Variants in DDI2 observed in about 807,000 individuals in gnomAD.
DDI2 encodes protein DDI1 homolog 2.
DDI2 carries 5 observed loss-of-function variants against 48.1 expected under a neutral mutation model. The ratio of observed to expected loss-of-function variants is 0.10; its 90% CI spans 0.05 to 0.22. The LOEUF (loss-of-function observed/expected upper bound fraction) is 0.22. Among genes scored for constraint, DDI2 ranks in the 10% least tolerant of loss-of-function variants. The pLI, the probability that DDI2 is intolerant of heterozygous loss-of-function variation, is 1.00. For missense variants in DDI2, 285 were observed against 506.2 expected (o/e 0.56, Z 4.19); for synonymous variants, 205 against 183.6 (o/e 1.12, Z -0.94).
chr1:15,638,898 C>G (rs955029782), intron 5 of DDI2, among the ~76,000 whole-genome samples: 1 of 152,106 alleles, frequency 6.6e-6, no homozygotes, highest in Non-Finnish European at 1.5e-5. Flanking sequence ...CATTTCTTAA[C>G]CAGTTTTGTA....
At chr1:15,627,714 C>G (rs924202557) in intron 2 of DDI2, among the ~76,000 whole-genome samples, 2 of 152,062 alleles carry the variant, frequency 1.3e-5, no homozygotes, top group African/African-American at 2.4e-5. Flanking sequence ...TTTTTCCATT[C>G]GCTGCCATAT....
Position 15,654,296 on chromosome 1 carries a change from G to GT in DDI2, c.1184-2317dup, listed in dbSNP as rs557348930. 2.6e-5 allele frequency among the ~76,000 whole-genome samples: 4 copies of GT among 152,260 alleles called. No individual in the cohort carries two copies. The South Asian group carries it at 8.3e-4, about 32-fold the overall frequency. On this transcript the variant is annotated intron_variant, in intron 8 of 9. Coordinates refer to ENST00000480945, the MANE Select transcript of DDI2 (RefSeq NM_032341.5). ...AGAATGGGTGTGGGTGGCAGATGGA[G>GT]TTTTCCAGGTTGACTTTGTTCAGAA...
chr1:15,619,240 C>T (rs1308024009), intron 1 of DDI2, among the ~76,000 whole-genome samples: 1 of 151,998 alleles, frequency 6.6e-6, no homozygotes, highest in Non-Finnish European at 1.5e-5. Flanking sequence ...CCTGCCTCAG[C>T]CTCCTGAGTA....
intron 7 of DDI2, among the ~76,000 whole-genome samples, chr1:15,650,565 TAGTG>T (rs1477168927): frequency 1.3e-5 from 2 of 152,086 alleles, no homozygotes; most frequent in Non-Finnish European, 2.9e-5. Context: ...CTGGGTAACT[TAGTG>T]AGACCCTGTC....
At chr1:15,637,196 G>A (rs1157779408) in intron 4 of DDI2, among the ~76,000 whole-genome samples, 1 of 152,204 alleles carries the variant, frequency 6.6e-6, no homozygotes, top group Non-Finnish European at 1.5e-5. Context: ...AAGAATTAGA[G>A]TTGTGTTGAT....
At chr1:15,621,427 C>T (rs1278068725) in intron 1 of DDI2, among the ~76,000 whole-genome samples, 3 of 152,054 alleles carry the variant, frequency 2.0e-5, no homozygotes, top group African/African-American at 7.2e-5. Flanking sequence ...GGGTCTTGCT[C>T]TGTCACCTAG....
intron 1 of DDI2, among the ~76,000 whole-genome samples, chr1:15,626,225 C>T (rs182688155): frequency 6.6e-6 from 1 of 152,130 alleles, no homozygotes; most frequent in African/African-American, 2.4e-5. Flanking sequence ...AAGTCTTTGT[C>T]CTCAAGTAGT....
At chr1:15,645,136 C>T (rs1348312684) in intron 6 of DDI2, among the ~76,000 whole-genome samples, 4 of 152,056 alleles carry the variant, frequency 2.6e-5, no homozygotes, top group African/African-American at 7.2e-5. Flanking sequence ...TCAAGTGATC[C>T]GCCCACGAGG....
chr1:15,631,176 A>G (rs988522202), intron 3 of DDI2, among the ~76,000 whole-genome samples: 5 of 150,446 alleles, frequency 3.3e-5, no homozygotes, highest in Admixed American at 6.6e-5. Flanking sequence ...TAGATCTTCA[A>G]TTAAAGAGAT....
At position 15,661,764 on chromosome 1, in the gene DDI2, C is replaced by T. The variant is rs1471638290; in HGVS notation, c.*1974C>T. On this transcript the variant is annotated 3_prime_UTR_variant, in exon 10 of 10. Transcript: ENST00000480945. ...TAGACCGTTCTCCATTCCCTTTAAA[C>T]AAAAGAAAGCTCTCTCTATATACAC... The T allele has an allele frequency of 6.5e-7, 1 of 1,548,870 alleles. No homozygotes were observed. The highest frequency in any genetic ancestry group is 8.7e-7 in the Non-Finnish European group (1 of 1,149,596).
Position 15,661,692 on chromosome 1 carries a change from G to C in DDI2, c.*1902G>C, listed in dbSNP as rs891934993. Reference sequence around the variant, plus strand: ...ATGCAGACCTTGCACTTCTTGTTTTGCTCGCAAAAAACATCGTAGTTCCTA... The same window carrying C: ...ATGCAGACCTTGCACTTCTTGTTTTCCTCGCAAAAAACATCGTAGTTCCTA... On this transcript the variant is annotated 3_prime_UTR_variant, in exon 10 of 10. Transcript: ENST00000480945. The C allele has an allele frequency of 6.2e-7, 1 of 1,610,248 alleles. No homozygotes were observed. The highest frequency in any genetic ancestry group is 1.3e-5 in the African/African-American group (1 of 74,728).
At position 15,665,793 on chromosome 1, in the gene DDI2, C is replaced by G. The variant is rs1640443965; in HGVS notation, c.*6003C>G. Reference sequence around the variant, plus strand: ...AAAAGCTGCAGGGCGTTGCAATGGCCTTTTCCTACCTGTTTGCCACCTGTG... The same window carrying G: ...AAAAGCTGCAGGGCGTTGCAATGGCGTTTTCCTACCTGTTTGCCACCTGTG... On this transcript the variant is annotated 3_prime_UTR_variant, in exon 10 of 10. Coordinates refer to ENST00000480945, the MANE Select transcript of DDI2 (RefSeq NM_032341.5). 2.6e-5 allele frequency: 4 copies of G among 152,180 alleles called. No homozygotes were observed. Among genetic ancestry groups the G allele is most frequent in the Admixed American group, 2.6e-4 (4 of 15,270 alleles). 9.4% of individuals were successfully genotyped at this position (152,180 alleles called of 1,614,324 possible).
intron 3 of DDI2, among the ~76,000 whole-genome samples, chr1:15,631,948 G>A (rs1179748920): frequency 6.6e-6 from 1 of 152,036 alleles, no homozygotes; most frequent in Non-Finnish European, 1.5e-5. Context: ...TGGGACTACA[G>A]GCGTGCACCA....
rs1009114499 is a variant in DDI2 at position 15,666,753 on chromosome 1, G to A, written c.*6963G>A. 2.6e-5 allele frequency: 4 copies of A among 152,180 alleles called. No homozygotes were observed. The highest frequency in any genetic ancestry group is 4.8e-5 in the African/African-American group (2 of 41,434). The allele number at this position is 152,180 out of a possible 1,614,324, so 9.4% of individuals were successfully genotyped here. A position where few individuals can be genotyped will look rare whatever the true frequency, so the allele number is the denominator to read the frequency against. ...GAAGCTTTCAGTCTAGAAGGGAGAC[G>A]TGAAACAAATTTTAGCTTCAAAAGC... On this transcript the variant is annotated 3_prime_UTR_variant, in exon 10 of 10. Coordinates refer to ENST00000480945, the MANE Select transcript of DDI2 (RefSeq NM_032341.5).
chr1:15,618,137 G>A (rs568247399), intron 1 of DDI2, among the ~76,000 whole-genome samples: 1 of 152,128 alleles, frequency 6.6e-6, no homozygotes, highest in Non-Finnish European at 1.5e-5. Context: ...TTCTAATCCC[G>A]AGTGTAGGAT....
intron 6 of DDI2, among the ~76,000 whole-genome samples, chr1:15,647,789 A>G (rs1640113932): frequency 1.3e-5 from 2 of 152,018 alleles, no homozygotes; most frequent in African/African-American, 4.8e-5. Flanking sequence ...TAGCGAAACC[A>G]CATCTCTACT....
At position 15,659,830 on chromosome 1, in the gene DDI2, C is replaced by G; in HGVS notation, c.*47-7C>G. On this transcript the variant is annotated splice_polypyrimidine_tract_variant and splice_region_variant and intron_variant, in intron 9 of 9. Transcript: ENST00000480945. ...AATCTTTTTCCTTTCCCCTGTGTTC[C>G]ATATAGAGAAAAGTGGTAAAGAATC... The G allele has an allele frequency of 6.6e-7, 1 of 1,519,776 alleles. No homozygotes were observed. Among genetic ancestry groups the G allele is most frequent in the African/African-American group, 1.4e-5 (1 of 71,988 alleles). 94.1% of individuals were successfully genotyped at this position (1,519,776 alleles called of 1,614,324 possible).
intron 8 of DDI2, among the ~76,000 whole-genome samples, chr1:15,652,910 C>T (rs1640214603): frequency 6.6e-6 from 1 of 152,032 alleles, no homozygotes; most frequent in Non-Finnish European, 1.5e-5. Context: ...GAGGCTGAGG[C>T]AGGAGAATTG....
chr1:15,626,996 T>C, intron 2 of DDI2, 198 bp downstream of exon 2: 2 of 646,914 alleles, frequency 3.1e-6, no homozygotes, highest in Non-Finnish European at 5.1e-6. Context: ...TTAGGTGCCA[T>C]AATTAACCCC....
Sources: gnomAD v4.1 joint callset for allele counts (sites outside exome capture counted in the v4.1 genomes callset) on GRCh38, gnomAD v4.1.1 for gene constraint, MANE v1.5 for transcripts, NCBI Gene and HGNC (gene_info 2026-07-23, HGNC 2026-07-21) for gene names.